COL5A2: variants seen among roughly 807,000 people sequenced by gnomAD.
COL5A2 encodes the protein collagen alpha-2(V) chain.
In COL5A2, 23 loss-of-function variants were observed where a neutral mutation model predicts 208.2. The observed-to-expected ratio is 0.11, with a 90% CI of 0.08 to 0.16. COL5A2 has a LOEUF of 0.16. Ranked by LOEUF, COL5A2 falls within the 10% of genes least tolerant of loss-of-function variation. COL5A2 has a pLI of 1.00. For synonymous variants in COL5A2, 625 were observed against 628.5 expected, an observed-to-expected ratio of 0.99 and a Z score of 0.08; for missense variants, 1,590 against 1,956.4, an observed-to-expected ratio of 0.81 and a Z score of 3.53.
the COL5A2 span, among the ~76,000 whole-genome samples, chr2:189,412,973 A>T: frequency 2.6e-5 from 4 of 152,206 alleles, no homozygotes; most frequent in Non-Finnish European, 4.4e-5. Context: ...GAAAAGTTGT[A>T]TGGCTGTTAG....
At chr2:189,306,956 C>T in the COL5A2 span, among the ~76,000 whole-genome samples, 1 of 152,252 alleles carries the variant, frequency 6.6e-6, no homozygotes, top group South Asian at 2.1e-4. Flanking sequence ...CAACATTATC[C>T]ACCCATTTCC....
upstream of COL5A2, among the ~76,000 whole-genome samples, chr2:189,180,247 T>G (rs1183521307): frequency 2.0e-5 from 3 of 152,224 alleles, no homozygotes; most frequent in Non-Finnish European, 4.4e-5. Flanking sequence ...TCTTATCCCC[T>G]TCTCAGATTC....
At chr2:189,034,893 A>T (rs746025704) in intron 53 of COL5A2, 23 bp downstream of exon 53, 2 of 1,613,736 alleles carry the variant, frequency 1.2e-6, no homozygotes, top group Non-Finnish European at 1.7e-6. Flanking sequence ...CAACCAGATC[A>T]ATGTAGATCA....
rs185640457 is a variant in COL5A2, at chr2:189,044,827, T to C, written c.3363+352A>G. Reference sequence around the variant, plus strand: ...AAAATGAAACATAATATTTGAATAGTGCTTTTCAAGTTTACAGAGAGCTTT... The same window carrying C: ...AAAATGAAACATAATATTTGAATAGCGCTTTTCAAGTTTACAGAGAGCTTT... On this transcript the variant is annotated intron_variant, in intron 47 of 53. Transcript: ENST00000374866. Among the ~76,000 whole-genome samples the C allele has an allele frequency of 2.3e-3, 345 of 152,238 alleles. 3 individuals are homozygous for C. Among genetic ancestry groups the C allele is most frequent in the African/African-American group, 8.0e-3 (332 of 41,554 alleles).
chr2:189,068,227 G>A lies in COL5A2; in HGVS notation c.1301C>T (p.Thr434Met), dbSNP rs145850743. ...ACATGCCATAAATGCAGTACTCACC[G>A]TTGGGCCTTTGGCACCAGGAGTACC... ...TDGTPGAKGP[T>M]GSPGTSGPPG... is the part of the protein sequence containing the mutation. The change falls in exon 20 of 54, where the codon ACG (threonine) becomes ATG (methionine). Residue 434 changes from threonine (T) to methionine (M), a missense_variant and splice_region_variant. Transcript: ENST00000374866. 1,873 of 1,613,660 alleles carry A rather than the reference G, an allele frequency of 1.2e-3. 22 individuals carry two copies. The highest frequency in any genetic ancestry group is 2.1e-3 in the Middle Eastern group (13 of 6,056).
chr2:189,124,359 A>C (rs1687568045), intron 1 of COL5A2, among the ~76,000 whole-genome samples: 1 of 152,152 alleles, frequency 6.6e-6, no homozygotes, highest in South Asian at 2.1e-4. Context: ...TCTCCATGAC[A>C]TGAATAAGTC....
chr2:189,417,296 A>G, the COL5A2 span, among the ~76,000 whole-genome samples: 1 of 152,184 alleles, frequency 6.6e-6, no homozygotes, highest in Non-Finnish European at 1.5e-5. Flanking sequence ...TACAGAATTG[A>G]TCTACCAACT....
intron 1 of COL5A2, among the ~76,000 whole-genome samples, chr2:189,212,849 A>G (rs1689232832): frequency 1.4e-5 from 2 of 140,118 alleles, no homozygotes; most frequent in Non-Finnish European, 3.0e-5. Flanking sequence ...TTTTAACACT[A>G]TAAATATAGT....
chr2:189,097,669 T>A (rs1438164999), intron 5 of COL5A2: 1 of 507,332 alleles, frequency 2.0e-6, no homozygotes, highest in South Asian at 1.5e-5. Flanking sequence ...GCCACTAAAC[T>A]CTGAGCACAA....
chr2:189,178,375 A>G (rs1418296025), intron 1 of COL5A2, among the ~76,000 whole-genome samples: 1 of 152,016 alleles, frequency 6.6e-6, no homozygotes, highest in African/African-American at 2.4e-5. Context: ...AAATATAGAT[A>G]TATACATAGT....
chr2:189,155,688 GTTTA>G lies in COL5A2; in HGVS notation c.97+23816_97+23819del, dbSNP rs375794068. 2.6e-3 allele frequency among the ~76,000 whole-genome samples: 390 copies of G among 151,884 alleles called. 2 individuals carry two copies. The highest frequency in any genetic ancestry group is 9.1e-3 in the African/African-American group (379 of 41,440). On this transcript the variant is annotated intron_variant, in intron 1 of 53. Transcript: ENST00000374866. Reference sequence around the variant, plus strand: ...TTATCTTTTTAAAATATATATTTTTGTTTATTTATTATCTTTTATTTCTCTGTAT... The same window carrying G: ...TTATCTTTTTAAAATATATATTTTTGTTTATTATCTTTTATTTCTCTGTAT...
chr2:189,127,756 C>T (rs978928139), intron 1 of COL5A2, among the ~76,000 whole-genome samples: 1 of 151,910 alleles, frequency 6.6e-6, no homozygotes, highest in Non-Finnish European at 1.5e-5. Context: ...GATTCAAATC[C>T]ATTTACATGT....
chr2:189,106,746 G>A (rs755350951), intron 2 of COL5A2, among the ~76,000 whole-genome samples: 1 of 151,044 alleles, frequency 6.6e-6, no homozygotes, highest in Non-Finnish European at 1.5e-5. Context: ...ATTGTATTAT[G>A]TTAGTATCAT....
At chr2:189,393,790 T>C in the COL5A2 span, among the ~76,000 whole-genome samples, 1 of 152,312 alleles carries the variant, frequency 6.6e-6, no homozygotes, top group East Asian at 1.9e-4. Context: ...GCAAGTGCCT[T>C]TACTTTATGC....
At chr2:189,419,890 A>G in the COL5A2 span, among the ~76,000 whole-genome samples, 1 of 144,516 alleles carries the variant, frequency 6.9e-6, no homozygotes, top group Non-Finnish European at 1.5e-5. Flanking sequence ...GGAGGAGAGG[A>G]GAGGAGAGGA....
intron 1 of COL5A2, among the ~76,000 whole-genome samples, chr2:189,149,387 CTGAT>C (rs1688101942): frequency 6.6e-6 from 1 of 152,100 alleles, no homozygotes; most frequent in African/African-American, 2.4e-5. Context: ...ACCTTAATAT[CTGAT>C]TGATAACTAA....
chr2:189,315,271 T>A, the COL5A2 span, among the ~76,000 whole-genome samples: 85,921 of 152,080 alleles, frequency 0.56, 26,145 homozygotes, highest in East Asian at 0.72. Context: ...GATGCAAGAT[T>A]GGTTCAATAT....
chr2:189,428,616 T>C, the COL5A2 span, among the ~76,000 whole-genome samples: 1 of 151,878 alleles, frequency 6.6e-6, no homozygotes, highest in South Asian at 2.1e-4. Context: ...AGACTCCGTC[T>C]GAAAAAAAAA....
intron 26 of COL5A2, 101 bp downstream of exon 26, chr2:189,063,879 G>T: frequency 1.1e-6 from 1 of 898,842 alleles, no homozygotes; most frequent in Non-Finnish European, 1.8e-6. Context: ...AATATGACCA[G>T]CATCCATATA....
Sources: gnomAD v4.1 joint callset for allele counts (sites outside exome capture counted in the v4.1 genomes callset) on GRCh38, gnomAD v4.1.1 for gene constraint, MANE v1.5 for transcripts, NCBI Gene and HGNC (gene_info 2026-07-23, HGNC 2026-07-21) for gene names.